TG: variants seen among roughly 807,000 people sequenced by gnomAD.
TG encodes the protein thyroglobulin.
In TG, 270 loss-of-function variants were observed where a neutral mutation model predicts 324.7. The ratio of observed to expected loss-of-function variants is 0.83; its 90% CI spans 0.75 to 0.92. TG has a LOEUF of 0.92. Among genes scored for constraint, TG ranks in the 40% least tolerant of loss-of-function variants. TG has a pLI of 0.00. For synonymous variants in TG, 1,401 were observed against 1,327.0 expected, an observed-to-expected ratio of 1.06 and a Z score of -1.21; for missense variants, 3,591 against 3,456.4, an observed-to-expected ratio of 1.04 and a Z score of -0.98.
In TG at chr8:132,998,626, G is replaced by T. The variant is rs539974757; in HGVS notation, c.6263-13275G>T. Among the ~76,000 whole-genome samples, 57 of 152,358 alleles carry T rather than the reference G, an allele frequency of 3.7e-4. No individual in the cohort carries two copies. In the South Asian group the frequency reaches 0.012, roughly 31 times the overall value. ...AGCCACTGAGGATGGATACCATGGA[G>T]TGGGTGGGAGCGTAGAAATCACAGT... On this transcript the variant is annotated intron_variant, in intron 35 of 47. Transcript: ENST00000220616.
intron 41 of TG, chr8:133,037,559 C>T (rs1005561334): frequency 6.6e-6 from 1 of 152,074 alleles, no homozygotes; most frequent in Admixed American, 6.6e-5. Flanking sequence ...GAGCTGATTT[C>T]TCTTTTTACA....
intron 44 of TG, among the ~76,000 whole-genome samples, chr8:133,116,050 A>G (rs577948484): frequency 1.3e-5 from 2 of 152,016 alleles, no homozygotes; most frequent in East Asian, 3.9e-4. Context: ...TGTGACAACC[A>G]GGAATGTCTC....
At chr8:132,895,935 G>A (rs1485821875) in intron 11 of TG, among the ~76,000 whole-genome samples, 1 of 152,222 alleles carries the variant, frequency 6.6e-6, no homozygotes, top group Non-Finnish European at 1.5e-5. Flanking sequence ...GCATGTCTGA[G>A]CTTGTAGAGG....
intron 24 of TG, among the ~76,000 whole-genome samples, chr8:132,934,680 G>A (rs1468095294): frequency 1.3e-5 from 2 of 152,218 alleles, no homozygotes; most frequent in African/African-American, 2.4e-5. Flanking sequence ...AAGAAGAGCT[G>A]TTGCCTTCAA....
At chr8:132,869,076 T>G (rs1369452281) in intron 2 of TG, among the ~76,000 whole-genome samples, 2 of 152,206 alleles carry the variant, frequency 1.3e-5, no homozygotes, top group African/African-American at 4.8e-5. Flanking sequence ...AGGAAGGAGT[T>G]AAGGAGGAAG....
At chr8:133,005,770 C>A (rs1229444604) in intron 35 of TG, among the ~76,000 whole-genome samples, 2 of 152,102 alleles carry the variant, frequency 1.3e-5, no homozygotes, top group Non-Finnish European at 2.9e-5. Flanking sequence ...TATAAGGGGG[C>A]CCTGATGTTA....
intron 27 of TG, among the ~76,000 whole-genome samples, chr8:132,960,542 C>T (rs1216820477): frequency 2.6e-5 from 4 of 152,148 alleles, no homozygotes; most frequent in South Asian, 2.1e-4. Context: ...TTGTGGCAGC[C>T]GCCAACAAGT....
chr8:132,895,149 C>T (rs1001627512), intron 11 of TG, among the ~76,000 whole-genome samples: 8 of 152,278 alleles, frequency 5.3e-5, no homozygotes, highest in Non-Finnish European at 1.2e-4. Context: ...CCCACATCAA[C>T]TTGACAAGGA....
chr8:133,067,337 G>T (rs1843181284), intron 41 of TG, among the ~76,000 whole-genome samples: 1 of 152,124 alleles, frequency 6.6e-6, no homozygotes, highest in South Asian at 2.1e-4. Context: ...ACACTGCAGA[G>T]GAGGGCTGCG....
chr8:132,995,547 C>G, intron 35 of TG: 1 of 984,624 alleles, frequency 1.0e-6, no homozygotes, highest in Non-Finnish European at 1.2e-6. Flanking sequence ...GCATTTGTGC[C>G]TCAGAATTTC....
At chr8:132,990,144 GC>G (rs1832122389) in intron 35 of TG, among the ~76,000 whole-genome samples, 1 of 137,458 alleles carries the variant, frequency 7.3e-6, no homozygotes, top group Admixed American at 7.6e-5. Flanking sequence ...ACCAGTTAAA[GC>G]TGAGCTATAC....
intron 45 of TG, among the ~76,000 whole-genome samples, chr8:133,125,563 G>T (rs1473034072): frequency 6.6e-6 from 1 of 152,234 alleles, no homozygotes; most frequent in Non-Finnish European, 1.5e-5. Flanking sequence ...AGATCAGCAG[G>T]TCTTTGGAAG....
chr8:133,002,517 T>C (rs1451112239), intron 35 of TG: 1 of 754,152 alleles, frequency 1.3e-6, no homozygotes, highest in Non-Finnish European at 1.6e-6. Flanking sequence ...GCTTTAAATA[T>C]TTCTTTGGGG....
intron 41 of TG, among the ~76,000 whole-genome samples, chr8:133,056,217 T>C (rs1202336251): frequency 6.6e-6 from 1 of 152,224 alleles, no homozygotes; most frequent in African/African-American, 2.4e-5. Context: ...TGTGACATCG[T>C]GGATTTCTTG....
intron 35 of TG, among the ~76,000 whole-genome samples, chr8:132,986,867 T>C (rs1304959744): frequency 6.6e-6 from 1 of 152,208 alleles, no homozygotes; most frequent in Non-Finnish European, 1.5e-5. Context: ...TTTTCGGCTT[T>C]TGATATACTT....
In TG at chr8:132,882,832, T is replaced by C. The variant is rs1338948767; in HGVS notation, c.908T>C (p.Val303Ala). 2 of 1,614,210 alleles carry C rather than the reference T, an allele frequency of 1.2e-6. No homozygotes were observed. The highest frequency in any genetic ancestry group is 1.7e-6 in the Non-Finnish European group (2 of 1,180,034). The change falls in exon 8 of 48, where the codon GTG becomes GCG. Residue 303 changes from valine (V) to alanine (A), a missense_variant. Coordinates refer to ENST00000220616, the MANE Select transcript of TG (RefSeq NM_003235.5). ...GRFRCPTKCE[V>A]ERFTATSFGH... ...CCTCTAGGCCCCACAAAATGTGAAG[T>C]GGAGCGGTTTACAGCAACCAGCTTT...
chr8:132,870,233 G>A (rs943261830), intron 3 of TG, among the ~76,000 whole-genome samples: 6 of 151,862 alleles, frequency 4.0e-5, no homozygotes, highest in African/African-American at 1.5e-4. Context: ...AAGAAACACA[G>A]TCCCTATTTA....
intron 44 of TG, 94 bp downstream of exon 44, chr8:133,113,697 G>A (rs990407388): frequency 2.3e-5 from 32 of 1,416,124 alleles, no homozygotes; most frequent in Admixed American, 9.9e-5. Context: ...ATAAAGGCAC[G>A]TGGCTTTGTG....
At chr8:133,116,585 C>T (rs749667128) in intron 44 of TG, 24 bp from the exon 45 acceptor site, 10 of 1,596,866 alleles carry the variant, frequency 6.3e-6, no homozygotes, top group South Asian at 1.1e-5. Context: ...TAACCAGACT[C>T]CCCCCATGTT....
Sources: gnomAD v4.1 joint callset for allele counts (sites outside exome capture counted in the v4.1 genomes callset) on GRCh38, gnomAD v4.1.1 for gene constraint, MANE v1.5 for transcripts, NCBI Gene and HGNC (gene_info 2026-07-23, HGNC 2026-07-21) for gene names.